Variants in IL34 observed in about 807,000 individuals in gnomAD.
IL34 encodes the protein interleukin-34.
In IL34, 17 loss-of-function variants were observed where a neutral mutation model predicts 25.3. That is an observed-to-expected ratio of 0.67 (90% CI 0.46 to 1.01). The LOEUF (loss-of-function observed/expected upper bound fraction) is 1.01, where lower values mean the gene tolerates loss of function less well. IL34 is among the 50% of genes least tolerant of loss of function. IL34 has a pLI of 0.00. For synonymous variants in IL34, 174 were observed against 140.9 expected, an observed-to-expected ratio of 1.23 and a Z score of -1.66; for missense variants, 368 against 312.9, an observed-to-expected ratio of 1.18 and a Z score of -1.33.
At chr16:70,647,124 CG>C in intron 1 of IL34, 149 bp downstream of exon 1, 1 of 736,566 alleles carries the variant, frequency 1.4e-6, no homozygotes, top group Non-Finnish European at 2.0e-6. Flanking sequence ...GAGATTCCCA[CG>C]GCCGCCGTCT....
chr16:70,594,085 C>G (rs1366110305), intron 1 of IL34, among the ~76,000 whole-genome samples: 1 of 152,136 alleles, frequency 6.6e-6, no homozygotes, highest in Non-Finnish European at 1.5e-5. Context: ...TTCCATTCTT[C>G]TTTTTTGTGT....
chr16:70,611,137 CCTGT>C (rs1454338857), intron 1 of IL34, among the ~76,000 whole-genome samples: 3 of 152,142 alleles, frequency 2.0e-5, no homozygotes, highest in Non-Finnish European at 4.4e-5. Context: ...CACCACCACG[CCTGT>C]CTAATTTTTC....
At chr16:70,625,822 G>T (rs989400999) in intron 1 of IL34, among the ~76,000 whole-genome samples, 28 of 152,160 alleles carry the variant, frequency 1.8e-4, no homozygotes, top group African/African-American at 5.6e-4. Flanking sequence ...GAGGTTGAGG[G>T]ATAGTGAGGG....
At chr16:70,605,801 G>A (rs2050993734) in intron 1 of IL34, among the ~76,000 whole-genome samples, 1 of 151,792 alleles carries the variant, frequency 6.6e-6, no homozygotes, top group South Asian at 2.1e-4. Flanking sequence ...CTCCTGAGTA[G>A]CCGGGATTAC....
At chr16:70,643,952 G>T (rs1307948561), upstream of IL34, among the ~76,000 whole-genome samples, 1 of 152,160 alleles carries the variant, frequency 6.6e-6, no homozygotes, top group African/African-American at 2.4e-5. Context: ...GATGAGTGAA[G>T]CTGGAATGAC....
chr16:70,635,040 T>C (rs1321653893), intron 1 of IL34, among the ~76,000 whole-genome samples: 4 of 152,324 alleles, frequency 2.6e-5, no homozygotes, highest in South Asian at 4.1e-4. Context: ...ATAGTATGAA[T>C]ACAGCAGCAA....
chr16:70,616,487 C>G (rs2051174763), intron 1 of IL34, among the ~76,000 whole-genome samples: 1 of 152,100 alleles, frequency 6.6e-6, no homozygotes, highest in Admixed American at 6.6e-5. Context: ...CTATGACCGT[C>G]TTACTCATAT....
intron 1 of IL34, among the ~76,000 whole-genome samples, chr16:70,605,966 C>T (rs1004543386): frequency 1.6e-4 from 21 of 133,220 alleles, no homozygotes; most frequent in African/African-American, 6.4e-4. Context: ...GCCACCGCAC[C>T]TGGTTTTTTT....
chr16:70,603,823 C>T (rs1208646928), intron 1 of IL34, among the ~76,000 whole-genome samples: 1 of 152,188 alleles, frequency 6.6e-6, no homozygotes, highest in East Asian at 1.9e-4. Flanking sequence ...CTCAAGCAGT[C>T]CTCCTGCTTC....
intron 1 of IL34, among the ~76,000 whole-genome samples, chr16:70,584,617 AC>A (rs1273115676): frequency 6.6e-6 from 1 of 151,772 alleles, no homozygotes; most frequent in African/African-American, 2.4e-5. Flanking sequence ...TGGCTTTGTC[AC>A]CCAGGCATCT....
intron 1 of IL34, among the ~76,000 whole-genome samples, chr16:70,637,227 C>G (rs1218789858): frequency 1.3e-5 from 2 of 151,882 alleles, no homozygotes; most frequent in Non-Finnish European, 1.5e-5. Context: ...CATGGATGAT[C>G]CTTCCCCATT....
rs184700119 is a variant in IL34 at position 70,618,485 on chromosome 16, G to A, written c.-400-28063G>A. Among the ~76,000 whole-genome samples, 1,061 of 152,314 alleles carry A rather than the reference G, an allele frequency of 7.0e-3. 16 individuals are homozygous for A. Among genetic ancestry groups the A allele is most frequent in the African/African-American group, 0.024 (1,002 of 41,552 alleles). On this transcript the variant is annotated intron_variant, in intron 1 of 6. Coordinates refer to the IL34 transcript ENST00000429149. Reference sequence around the variant, plus strand: ...ATGAGGAAGAAAATAGATTTTGGAAGTTATGAGAAATGTAGAGAGTGAGTT... The same window carrying A: ...ATGAGGAAGAAAATAGATTTTGGAAATTATGAGAAATGTAGAGAGTGAGTT...
In IL34 at chr16:70,657,286, G is replaced by A. The variant is rs926164748; in HGVS notation, c.402+165G>A. Reference sequence around the variant, plus strand: ...GTGGGGGAGGGGTGCAGGAAAAGAGGCCTGTGGAAGGAAGAGGCAGCCGTG... The same window carrying A: ...GTGGGGGAGGGGTGCAGGAAAAGAGACCTGTGGAAGGAAGAGGCAGCCGTG... On this transcript the variant is annotated intron_variant, in intron 4 of 5. Coordinates refer to ENST00000288098, the MANE Select transcript of IL34 (RefSeq NM_001393494.1). 7 of 720,932 alleles carry A rather than the reference G, an allele frequency of 9.7e-6. No individual in the cohort carries two copies. The African/African-American group carries it at 1.3e-4, about 13-fold the overall frequency. The allele number at this position is 720,932 out of a possible 1,614,324, so 44.7% of individuals were successfully genotyped here.
chr16:70,588,385 T>C (rs889388660), intron 1 of IL34, among the ~76,000 whole-genome samples: 2 of 151,848 alleles, frequency 1.3e-5, no homozygotes, highest in African/African-American at 2.4e-5. Context: ...TCCCAGTTAC[T>C]CGGGAGGCTG....
chr16:70,581,456 G>A (rs1378827456), intron 1 of IL34, among the ~76,000 whole-genome samples: 1 of 150,696 alleles, frequency 6.6e-6, no homozygotes, highest in Non-Finnish European at 1.5e-5. Flanking sequence ...TTTCCTTGGA[G>A]TGTATTCTGC....
chr16:70,648,298 G>A (rs770500022), intron 1 of IL34, among the ~76,000 whole-genome samples: 37 of 152,162 alleles, frequency 2.4e-4, no homozygotes, highest in Non-Finnish European at 2.9e-4. Flanking sequence ...GCTCACGCCC[G>A]TGATCCCAGC....
At chr16:70,642,602 C>G (rs1007260970), upstream of IL34, among the ~76,000 whole-genome samples, 2 of 152,034 alleles carry the variant, frequency 1.3e-5, no homozygotes, top group Admixed American at 1.3e-4. Context: ...GGCCTGATTT[C>G]TTTTCTTATA....
At chr16:70,590,660 C>A (rs2050742739) in intron 1 of IL34, among the ~76,000 whole-genome samples, 1 of 152,160 alleles carries the variant, frequency 6.6e-6, no homozygotes, top group Admixed American at 6.5e-5. Flanking sequence ...CAAATCCTCA[C>A]CATAGCCCTG....
At chr16:70,646,229 C>G (rs938868463), upstream of IL34, among the ~76,000 whole-genome samples, 1 of 152,086 alleles carries the variant, frequency 6.6e-6, no homozygotes, top group Non-Finnish European at 1.5e-5. Context: ...AGTGGGAGCT[C>G]GTCTGCTTTT....
Sources: gnomAD v4.1 joint callset for allele counts (sites outside exome capture counted in the v4.1 genomes callset) on GRCh38, gnomAD v4.1.1 for gene constraint, MANE v1.5 for transcripts, NCBI Gene and HGNC (gene_info 2026-07-23, HGNC 2026-07-21) for gene names.